Variants in PHF24 observed in about 807,000 individuals in gnomAD.
The protein encoded by PHF24 is PHD finger protein 24.
PHF24 carries 25 observed loss-of-function variants against 42.6 expected under a neutral mutation model. The ratio of observed to expected loss-of-function variants is 0.59; its 90% CI spans 0.43 to 0.82. The LOEUF is 0.82. Ranked by LOEUF, PHF24 falls within the 40% of genes least tolerant of loss-of-function variation. The pLI is 0.00. For synonymous variants in PHF24, 185 were observed against 204.8 expected, an observed-to-expected ratio of 0.90 and a Z score of 0.83; for missense variants, 470 against 538.1, an observed-to-expected ratio of 0.87 and a Z score of 1.25.
chr9:34,689,739 T>C, the PHF24 span: 3 of 1,552,820 alleles, frequency 1.9e-6, no homozygotes, highest in Non-Finnish European at 2.7e-6. The surrounding 1 kb of genome is among the most constrained non-coding windows in gnomAD (Gnocchi z 4.1). Flanking sequence ...GGTCCTTCCT[T>C]CTGGTCCTCG....
chr9:34,868,395 T>C, the PHF24 span, among the ~76,000 whole-genome samples: 346 of 152,354 alleles, frequency 2.3e-3, no homozygotes, highest in African/African-American at 7.6e-3. Context: ...TCCTCTGTCC[T>C]GTTCTCTATG....
the PHF24 span, among the ~76,000 whole-genome samples, chr9:34,780,977 A>G: frequency 6.6e-6 from 1 of 152,208 alleles, no homozygotes; most frequent in African/African-American, 2.4e-5. Context: ...AACAACAGAA[A>G]TTAACAATTA....
At chr9:34,914,353 A>G in the PHF24 span, among the ~76,000 whole-genome samples, 3 of 152,132 alleles carry the variant, frequency 2.0e-5, no homozygotes, top group Non-Finnish European at 4.4e-5. Flanking sequence ...TCAATATATA[A>G]TCTAAGCTCT....
At chr9:34,884,031 A>G in the PHF24 span, among the ~76,000 whole-genome samples, 335 of 152,356 alleles carry the variant, frequency 2.2e-3, 2 homozygotes, top group African/African-American at 7.6e-3. Context: ...AATACTATGC[A>G]GTCATAAAAA....
the PHF24 span, among the ~76,000 whole-genome samples, chr9:34,950,892 C>A: frequency 6.6e-6 from 1 of 151,954 alleles, no homozygotes; most frequent in Admixed American, 6.6e-5. Context: ...AAAGCTGATT[C>A]TTTGAAAAGA....
the PHF24 span, among the ~76,000 whole-genome samples, chr9:34,757,031 A>T: frequency 1.3e-5 from 2 of 152,004 alleles, no homozygotes; most frequent in African/African-American, 4.8e-5. Context: ...CAGCTTCCTG[A>T]GTAGCTGGGA....
the PHF24 span, among the ~76,000 whole-genome samples, chr9:34,932,978 G>A: frequency 7.7e-6 from 1 of 129,550 alleles, no homozygotes; most frequent in Non-Finnish European, 1.6e-5. Context: ...CATGAGAGCA[G>A]GAACTCTTTT....
the PHF24 span, among the ~76,000 whole-genome samples, chr9:34,899,034 C>A: frequency 6.6e-6 from 1 of 152,198 alleles, no homozygotes; most frequent in Non-Finnish European, 1.5e-5. Flanking sequence ...TGGTTTGGGG[C>A]TCATCGACAA....
chr9:34,681,410 G>A, the PHF24 span: 1 of 97,210 alleles, frequency 1.0e-5, no homozygotes, highest in African/African-American at 4.1e-5. Context: ...CTTGGATTTA[G>A]AAGCAGATGT....
the PHF24 span, chr9:34,838,553 G>T: frequency 4.4e-6 from 5 of 1,125,496 alleles, no homozygotes; most frequent in Middle Eastern, 2.7e-4. Context: ...CAGGGTTCTG[G>T]TGCCTAATGA....
the PHF24 span, chr9:34,689,907 G>A: frequency 2.5e-6 from 4 of 1,613,770 alleles, no homozygotes; most frequent in Non-Finnish European, 2.5e-6. The surrounding 1 kb of genome is among the most constrained non-coding windows in gnomAD (Gnocchi z 4.1). Context: ...GGAGGAGACA[G>A]GGCCAGGGAG....
At chr9:34,835,795 T>C in the PHF24 span, 2 of 1,538,958 alleles carry the variant, frequency 1.3e-6, no homozygotes, top group Non-Finnish European at 1.8e-6. Flanking sequence ...CAGTGTTGGG[T>C]TTATAGATGC....
At chr9:34,790,440 T>A in the PHF24 span, among the ~76,000 whole-genome samples, 137,108 of 151,832 alleles carry the variant, frequency 0.9, 62,615 homozygotes, top group Non-Finnish European at 0.98. Flanking sequence ...TTTTATTTTT[T>A]AAAAAAAATG....
At chr9:34,867,255 A>G in the PHF24 span, among the ~76,000 whole-genome samples, 1 of 152,236 alleles carries the variant, frequency 6.6e-6, no homozygotes, top group African/African-American at 2.4e-5. Flanking sequence ...TCTCTGCACT[A>G]GGTCCCTGAT....
At chr9:34,897,739 T>G in the PHF24 span, among the ~76,000 whole-genome samples, 3 of 152,308 alleles carry the variant, frequency 2.0e-5, no homozygotes, top group Non-Finnish European at 4.4e-5. Context: ...AGTAAGTTCT[T>G]TAGTGGTGAT....
At chr9:34,679,438 A>T in the PHF24 span, among the ~76,000 whole-genome samples, 2 of 152,234 alleles carry the variant, frequency 1.3e-5, no homozygotes, top group South Asian at 4.1e-4. Flanking sequence ...TTTAGAGTGG[A>T]TCACTATAGC....
chr9:34,838,246 AT>A, the PHF24 span: 2 of 638,378 alleles, frequency 3.1e-6, no homozygotes, highest in South Asian at 3.8e-5. Flanking sequence ...TGGCATAAAA[AT>A]TGGGGGAGAG....
At chr9:34,871,566 GT>G in the PHF24 span, among the ~76,000 whole-genome samples, 1 of 152,032 alleles carries the variant, frequency 6.6e-6, no homozygotes, top group Non-Finnish European at 1.5e-5. Flanking sequence ...GGTTTTTTAG[GT>G]TTCTGTTTTA....
At chr9:34,874,887 A>G in the PHF24 span, among the ~76,000 whole-genome samples, 1 of 152,158 alleles carries the variant, frequency 6.6e-6, no homozygotes, top group Non-Finnish European at 1.5e-5. Context: ...CAGGCATGCA[A>G]TATGAAATAG....
Sources: allele counts gnomAD v4.1 joint callset (sites outside exome capture counted in the v4.1 genomes callset), GRCh38; gene constraint gnomAD v4.1.1; non-coding constraint Gnocchi (gnomAD v3.1); transcripts MANE v1.5; gene names NCBI Gene and HGNC (gene_info 2026-07-23, HGNC 2026-07-21).